The following CACNA1C variants were observed in gnomAD, a reference collection of about 807,000 sequenced individuals.
CACNA1C encodes voltage-dependent L-type calcium channel subunit alpha-1C.
In CACNA1C, 30 loss-of-function variants were observed where a neutral mutation model predicts 229.0. The observed-to-expected ratio is 0.13, with a 90% CI of 0.10 to 0.18. The LOEUF (loss-of-function observed/expected upper bound fraction) is 0.18. Among genes scored for constraint, CACNA1C ranks in the 10% least tolerant of loss-of-function variants. The pLI is 1.00. For missense variants in CACNA1C, 1,658 were observed against 2,845.0 expected (o/e 0.58, Z 9.49); for synonymous variants, 1,114 against 1,132.5 (o/e 0.98, Z 0.33).
rs569098439 is a variant in CACNA1C at position 2,219,903 on chromosome 12, G to T, written c.477+99473G>T. Among the ~76,000 whole-genome samples, 343 of 152,270 alleles carry T rather than the reference G, an allele frequency of 2.3e-3. 3 individuals are homozygous for T. The highest frequency in any genetic ancestry group is 3.5e-3 in the Non-Finnish European group (237 of 68,018). The stretch of plus-strand genomic sequence containing the variant: ...GGCCTGGTGACCTAGGCAGTGGAGG[G>T]CCCAGGAGGGAGGCTTTCCTTGAAG... On this transcript the variant is annotated intron_variant, in intron 3 of 46. Coordinates refer to ENST00000399655, the MANE Select transcript of CACNA1C (RefSeq NM_000719.7).
chr12:2,661,628 C>T (rs2095746114), intron 34 of CACNA1C, among the ~76,000 whole-genome samples: 1 of 152,040 alleles, frequency 6.6e-6, no homozygotes, highest in Non-Finnish European at 1.5e-5. Flanking sequence ...ATGTAGAAAA[C>T]CTCTTCACCC....
At chr12:2,675,031 G>A (rs896953162) in intron 39 of CACNA1C, among the ~76,000 whole-genome samples, 17 of 152,092 alleles carry the variant, frequency 1.1e-4, no homozygotes, top group East Asian at 3.9e-4. Context: ...GCCCTCAAAC[G>A]AGAATCCCCT....
chr12:2,393,019 T>C (rs945034686), intron 3 of CACNA1C, among the ~76,000 whole-genome samples: 2 of 152,164 alleles, frequency 1.3e-5, no homozygotes, highest in Non-Finnish European at 2.9e-5. Context: ...CAAAGTACTG[T>C]CGTGCACTTC....
chr12:2,088,581 C>T (rs968923471), intron 1 of CACNA1C, among the ~76,000 whole-genome samples: 2 of 152,092 alleles, frequency 1.3e-5, no homozygotes, highest in Non-Finnish European at 2.9e-5. Flanking sequence ...AGGGTCTGGC[C>T]CACAGGGAGT....
chr12:2,129,282 C>T (rs747988997), intron 3 of CACNA1C, among the ~76,000 whole-genome samples: 1 of 152,174 alleles, frequency 6.6e-6, no homozygotes, highest in Admixed American at 6.5e-5. Context: ...ATGGCAGCTT[C>T]TGGATGGGTC....
At chr12:2,349,813 C>A (rs555577103) in intron 3 of CACNA1C, among the ~76,000 whole-genome samples, 25 of 152,232 alleles carry the variant, frequency 1.6e-4, no homozygotes, top group Admixed American at 1.4e-3. Context: ...GCACACAGCA[C>A]CCTCCGAAAG....
At chr12:2,690,783 C>G in intron 46 of CACNA1C, 117 bp from the exon 47 acceptor site, 1 of 997,524 alleles carries the variant, frequency 1.0e-6, no homozygotes, top group Non-Finnish European at 1.5e-6. Context: ...CGTGCACACA[C>G]GCACACTTCC....
upstream of CACNA1C, among the ~76,000 whole-genome samples, chr12:2,052,715 C>G (rs1043461932): frequency 6.9e-6 from 1 of 145,652 alleles, no homozygotes; most frequent in Non-Finnish European, 1.5e-5. Flanking sequence ...GGCCGGGGCC[C>G]GCTCCCTTTG....
In CACNA1C at chr12:2,309,742, G is replaced by A. The variant is rs549581009; in HGVS notation, c.478-139234G>A. Among the ~76,000 whole-genome samples the A allele has an allele frequency of 9.8e-5, 15 of 152,354 alleles. 1 individual carries two copies. Among genetic ancestry groups the A allele is most frequent in the Admixed American group, 7.8e-4 (12 of 15,306 alleles). ...TAAGCATCGCCTTGCAGGGGGCATT[G>A]TGAGTACTGTACTGCATATGCCTGC... On this transcript the variant is annotated intron_variant, in intron 3 of 46. Transcript: ENST00000399655.
At chr12:2,192,054 A>G (rs2097253163) in intron 3 of CACNA1C, among the ~76,000 whole-genome samples, 1 of 151,842 alleles carries the variant, frequency 6.6e-6, no homozygotes, top group Non-Finnish European at 1.5e-5. Flanking sequence ...GCACACACAT[A>G]CACACTCAGG....
intron 29 of CACNA1C, among the ~76,000 whole-genome samples, chr12:2,620,256 CTAA>C (rs2082573631): frequency 4.3e-5 from 1 of 23,210 alleles, no homozygotes; most frequent in Admixed American, 1.0e-3. Flanking sequence ...AGTATGCACC[CTAA>C]TACTGCTCTA....
rs781585102 is a variant in CACNA1C, at chr12:2,654,268, C to T, written c.4140+368C>T. On this transcript the variant is annotated intron_variant, in intron 33 of 46. Coordinates refer to ENST00000399655, the MANE Select transcript of CACNA1C (RefSeq NM_000719.7). The surrounding 1 kb of genome is among the most constrained non-coding windows in gnomAD (Gnocchi z 4.4). ...GGTGTGTCTGTTTGTGTCCAGCACC[C>T]CTGTTTGTGTCCAGGTCTGATGGGC... Among the ~76,000 whole-genome samples, 21 of 152,322 alleles carry T rather than the reference C, an allele frequency of 1.4e-4. No individual in the cohort carries two copies. The highest frequency in any genetic ancestry group is 5.9e-4 in the Admixed American group (9 of 15,306).
At chr12:2,385,147 G>A (rs926489435) in intron 3 of CACNA1C, among the ~76,000 whole-genome samples, 2 of 152,168 alleles carry the variant, frequency 1.3e-5, no homozygotes, top group Non-Finnish European at 2.9e-5. Flanking sequence ...TGAGTCACCG[G>A]GGAAGTTAAG....
intron 3 of CACNA1C, among the ~76,000 whole-genome samples, chr12:2,339,735 GC>G (rs2096804911): frequency 6.6e-6 from 1 of 152,150 alleles, no homozygotes; most frequent in African/African-American, 2.4e-5. Context: ...GAATTTTTCA[GC>G]CTCATTATAA....
At chr12:2,017,691 T>C (rs1027420543) in intron 1 of CACNA1C, among the ~76,000 whole-genome samples, 13 of 151,560 alleles carry the variant, frequency 8.6e-5, no homozygotes, top group Admixed American at 8.5e-4. Flanking sequence ...ATGCCTCTAC[T>C]GATAAAAATA....
chr12:2,253,157 G>A (rs2076222873), intron 3 of CACNA1C, among the ~76,000 whole-genome samples: 2 of 152,344 alleles, frequency 1.3e-5, no homozygotes, highest in East Asian at 1.9e-4. Flanking sequence ...CCAAAGAAGG[G>A]TTCACCAAGT....
intron 3 of CACNA1C, among the ~76,000 whole-genome samples, chr12:2,328,553 C>A (rs911390773): frequency 9.9e-5 from 15 of 152,064 alleles, no homozygotes; most frequent in Non-Finnish European, 1.8e-4. Flanking sequence ...CATTAAGAAC[C>A]CCAAAAGTGA....
chr12:2,548,466 G>A (rs1397331676), intron 9 of CACNA1C, among the ~76,000 whole-genome samples: 2 of 152,176 alleles, frequency 1.3e-5, no homozygotes, highest in African/African-American at 4.8e-5. Context: ...ATGACCATGG[G>A]CATCACATCC....
intron 1 of CACNA1C, among the ~76,000 whole-genome samples, chr12:2,046,040 A>G (rs962882182): frequency 1.3e-5 from 2 of 152,016 alleles, no homozygotes; most frequent in Non-Finnish European, 2.9e-5. Context: ...AGCCAGCAGA[A>G]GTTGGAAAGG....
Sources: gnomAD v4.1 joint callset for allele counts (sites outside exome capture counted in the v4.1 genomes callset) on GRCh38, gnomAD v4.1.1 for gene constraint, Gnocchi (gnomAD v3.1) non-coding constraint, MANE v1.5 for transcripts, NCBI Gene and HGNC (gene_info 2026-07-23, HGNC 2026-07-21) for gene names.